Variants in PPP1R12B observed in about 807,000 individuals in gnomAD.
PPP1R12B encodes protein phosphatase 1 regulatory subunit 12B, also known as myosin phosphatase target subunit 2.
PPP1R12B carries 76 observed loss-of-function variants against 126.1 expected under a neutral mutation model. The observed-to-expected ratio is 0.60, with a 90% confidence interval of 0.50 to 0.73. The LOEUF (loss-of-function observed/expected upper bound fraction) is 0.73. Ranked by LOEUF, PPP1R12B falls within the 30% of genes least tolerant of loss-of-function variation. The pLI is 0.00. For synonymous variants in PPP1R12B, 356 were observed against 434.7 expected, an observed-to-expected ratio of 0.82 and a Z score of 2.25; for missense variants, 1,052 against 1,205.1, an observed-to-expected ratio of 0.87 and a Z score of 1.88.
At chr1:202,513,005 A>G (rs1681715236) in intron 18 of PPP1R12B, among the ~76,000 whole-genome samples, 1 of 152,166 alleles carries the variant, frequency 6.6e-6, no homozygotes, top group African/African-American at 2.4e-5. Context: ...ATGGAGTCTC[A>G]TTCCAGTGCC....
intron 18 of PPP1R12B, among the ~76,000 whole-genome samples, chr1:202,545,044 C>T (rs571174618): frequency 1.2e-3 from 181 of 152,356 alleles, no homozygotes; most frequent in Middle Eastern, 3.4e-3. Flanking sequence ...ATCCTCTATA[C>T]ATCCAACACT....
At position 202,588,058 on chromosome 1, in the gene PPP1R12B, G is replaced by C. The variant is rs879732911; in HGVS notation, c.*7498G>C. ...GTTTCACCCTTGCATCCTTCTTGGA[G>C]AAGCTACAGCCTGTGCTCAGTTGAG... On this transcript the variant is annotated 3_prime_UTR_variant, in exon 24 of 24. Coordinates refer to ENST00000608999, the MANE Select transcript of PPP1R12B (RefSeq NM_002481.4). 2.0e-5 allele frequency: 3 copies of C among 152,318 alleles called. No individual in the cohort carries two copies. Among genetic ancestry groups the C allele is most frequent in the Non-Finnish European group, 4.4e-5 (3 of 68,036 alleles). 9.4% of individuals were successfully genotyped at this position (152,318 alleles called of 1,614,324 possible). A position where few individuals can be genotyped will look rare whatever the true frequency, so the allele number is the denominator to read the frequency against.
intron 19 of PPP1R12B, among the ~76,000 whole-genome samples, chr1:202,561,486 T>C (rs1428913342): frequency 6.6e-6 from 1 of 151,910 alleles, no homozygotes; most frequent in Non-Finnish European, 1.5e-5. Context: ...TAGACAATAG[T>C]GTATGTTATC....
intron 1 of PPP1R12B, among the ~76,000 whole-genome samples, chr1:202,413,497 G>C (rs1466285881): frequency 6.6e-6 from 1 of 151,980 alleles, no homozygotes; most frequent in African/African-American, 2.4e-5. Flanking sequence ...ATATCTTTTG[G>C]TATGCTTGAT....
chr1:202,473,375 C>G (rs1309656185), intron 13 of PPP1R12B, among the ~76,000 whole-genome samples: 2 of 152,208 alleles, frequency 1.3e-5, no homozygotes, highest in Admixed American at 1.3e-4. Flanking sequence ...TCCTGCATTT[C>G]TGTGTGTCAG....
chr1:202,390,483 A>G (rs1467498508), intron 1 of PPP1R12B, among the ~76,000 whole-genome samples: 1 of 152,196 alleles, frequency 6.6e-6, no homozygotes, highest in East Asian at 1.9e-4. Context: ...ATTTGAATTC[A>G]TAAAAATTAA....
intron 23 of PPP1R12B, chr1:202,576,564 T>C (rs1689111212): frequency 6.6e-6 from 1 of 152,212 alleles, no homozygotes; most frequent in Non-Finnish European, 1.5e-5. Context: ...AAGCAGCCAC[T>C]GTTAGGTCCA....
chr1:202,430,884 A>G, intron 7 of PPP1R12B, 74 bp downstream of exon 7: 1 of 1,535,048 alleles, frequency 6.5e-7, no homozygotes, highest in Non-Finnish European at 8.8e-7. Context: ...CAGAATTTAT[A>G]AAGTGAAGAA....
chr1:202,435,817 T>TA (rs1670732795), intron 9 of PPP1R12B, among the ~76,000 whole-genome samples: 1 of 152,218 alleles, frequency 6.6e-6, no homozygotes, highest in African/African-American at 2.4e-5. Context: ...AAGGCCTGGC[T>TA]ACTTATTTAT....
At chr1:202,445,551 C>T (rs566629683) in intron 12 of PPP1R12B, among the ~76,000 whole-genome samples, 82 of 152,172 alleles carry the variant, frequency 5.4e-4, no homozygotes, top group African/African-American at 1.8e-3. Flanking sequence ...ATATTGAAAA[C>T]ATTTTCATAT....
intron 15 of PPP1R12B, among the ~76,000 whole-genome samples, chr1:202,494,746 C>T (rs1328428502): frequency 6.6e-6 from 1 of 151,434 alleles, no homozygotes; most frequent in Non-Finnish European, 1.5e-5. Flanking sequence ...ACAACAACAA[C>T]AAAACAAAAC....
At chr1:202,503,216 A>G (rs1252010781) in intron 18 of PPP1R12B, among the ~76,000 whole-genome samples, 1 of 152,166 alleles carries the variant, frequency 6.6e-6, no homozygotes, top group Non-Finnish European at 1.5e-5. Flanking sequence ...TTGAAGTTAG[A>G]ACCAATGAGA....
At position 202,448,599 on chromosome 1, in the gene PPP1R12B, C is replaced by G. The variant is rs188059496; in HGVS notation, c.1668-390C>G. ...AGGTGGAGACTAATATTGTAAGTGA[C>G]TTTAATGTCTTTTTCTTGTGTAGAG... is the stretch of plus-strand genomic sequence containing the variant. On this transcript the variant is annotated intron_variant, in intron 12 of 23. Coordinates refer to ENST00000608999, the MANE Select transcript of PPP1R12B (RefSeq NM_002481.4). The G allele has an allele frequency of 8.4e-3, 1,494 of 177,822 alleles. 11 individuals carry two copies. The highest frequency in any genetic ancestry group is 9.9e-3 in the Non-Finnish European group (814 of 82,244). The allele number at this position is 177,822 out of a possible 1,614,324, so 11.0% of individuals were successfully genotyped here. A position where few individuals can be genotyped will look rare whatever the true frequency, so the allele number is the denominator to read the frequency against.
rs1679592761 is a variant in PPP1R12B at position 202,496,684 on chromosome 1, A to T, written c.2449-97A>T. The T allele has an allele frequency of 5.5e-6, 6 of 1,082,564 alleles. No homozygotes were observed. In the East Asian group the frequency reaches 1.5e-4, roughly 28 times the overall value. 67.1% of individuals were successfully genotyped at this position (1,082,564 alleles called of 1,614,324 possible). A position where few individuals can be genotyped will look rare whatever the true frequency, so the allele number is the denominator to read the frequency against. On this transcript the variant is annotated intron_variant, in intron 17 of 23. Coordinates refer to ENST00000608999, the MANE Select transcript of PPP1R12B (RefSeq NM_002481.4). ...AGTCAATTCTCATTGCCCATGTTTG[A>T]AATGCCAAGATGCATAATTGATGGG...
At chr1:202,371,145 A>G (rs558075508) in intron 1 of PPP1R12B, among the ~76,000 whole-genome samples, 28 of 145,036 alleles carry the variant, frequency 1.9e-4, no homozygotes, top group African/African-American at 7.2e-4. Flanking sequence ...CCTTCCAAAT[A>G]GCTGGGACTA....
rs949295029 is a variant in PPP1R12B at position 202,591,389 on chromosome 1, C to G, written c.*10829C>G. 3 of 152,572 alleles carry G rather than the reference C, an allele frequency of 2.0e-5. No homozygotes were observed. Among genetic ancestry groups the G allele is most frequent in the African/African-American group, 7.2e-5 (3 of 41,466 alleles). The allele number at this position is 152,572 out of a possible 1,614,324, so 9.5% of individuals were successfully genotyped here. On this transcript the variant is annotated 3_prime_UTR_variant, in exon 24 of 24. Coordinates refer to ENST00000608999, the MANE Select transcript of PPP1R12B (RefSeq NM_002481.4). Reference sequence around the variant, plus strand: ...CTCAGGTGCCCATGGGGCCAGGGGCCGCAGGCAGGGGGGCTACCTGTCCCT... The same window carrying G: ...CTCAGGTGCCCATGGGGCCAGGGGCGGCAGGCAGGGGGGCTACCTGTCCCT...
chr1:202,371,997 G>T (rs1452666932), intron 1 of PPP1R12B, among the ~76,000 whole-genome samples: 1 of 150,064 alleles, frequency 6.7e-6, no homozygotes, highest in South Asian at 2.1e-4. Context: ...TCAGCCTCCC[G>T]AGTAGCTGGG....
In PPP1R12B at chr1:202,419,801, A is replaced by C. The variant is rs1405721278; in HGVS notation, c.423-2819A>C. On this transcript the variant is annotated intron_variant, in intron 2 of 23. Coordinates refer to ENST00000608999, the MANE Select transcript of PPP1R12B (RefSeq NM_002481.4). The surrounding 1 kb of genome is among the most constrained non-coding windows in gnomAD (Gnocchi z 4.6). ...CTATTAACCAAAAACTATCTGAGGC[A>C]GGTCTCAATCAATTTAAAAGTTTAT... Among the ~76,000 whole-genome samples, 1 of 152,212 alleles carries C rather than the reference A, an allele frequency of 6.6e-6. No homozygotes were observed. Among genetic ancestry groups the C allele is most frequent in the Non-Finnish European group, 1.5e-5 (1 of 68,030 alleles).
Position 202,590,169 on chromosome 1 carries a change from C to T in PPP1R12B, c.*9609C>T, listed in dbSNP as rs1189807255. 2 of 152,140 alleles carry T rather than the reference C, an allele frequency of 1.3e-5. No homozygotes were observed. Among genetic ancestry groups the T allele is most frequent in the Non-Finnish European group, 2.9e-5 (2 of 68,040 alleles). The allele number at this position is 152,140 out of a possible 1,614,324, so 9.4% of individuals were successfully genotyped here. A position where few individuals can be genotyped will look rare whatever the true frequency, so the allele number is the denominator to read the frequency against. On this transcript the variant is annotated 3_prime_UTR_variant, in exon 24 of 24. Coordinates refer to ENST00000608999, the MANE Select transcript of PPP1R12B (RefSeq NM_002481.4). The stretch of plus-strand genomic sequence containing the variant: ...GTAGAAATTGTTACTTTTCAAATTC[C>T]CACTTCCCAGGGCCAGCCTCCCTCT...
Sources: allele counts gnomAD v4.1 joint callset (sites outside exome capture counted in the v4.1 genomes callset), GRCh38; gene constraint gnomAD v4.1.1; non-coding constraint Gnocchi (gnomAD v3.1); transcripts MANE v1.5; gene names NCBI Gene and HGNC (gene_info 2026-07-23, HGNC 2026-07-21).